The following BRINP3 variants were observed in gnomAD, a reference collection of about 807,000 sequenced individuals.
BRINP3 encodes the protein BMP/retinoic acid inducible neural specific 3.
In BRINP3, 19 loss-of-function variants were observed where a neutral mutation model predicts 71.0. That is an observed-to-expected ratio of 0.27 (90% CI 0.19 to 0.39). The LOEUF is 0.39. Among genes scored for constraint, BRINP3 ranks in the 10% least tolerant of loss-of-function variants. The pLI, the probability that BRINP3 is intolerant of heterozygous loss-of-function variation, is 1.00. For missense variants in BRINP3, 959 were observed against 940.8 expected (o/e 1.02, Z -0.25); for synonymous variants, 380 against 337.7 (o/e 1.13, Z -1.37).
At chr1:190,367,427 T>C (rs1669580616) in intron 2 of BRINP3, among the ~76,000 whole-genome samples, 1 of 152,136 alleles carries the variant, frequency 6.6e-6, no homozygotes, top group African/African-American at 2.4e-5. Flanking sequence ...CATTTTTCCC[T>C]CCTAGGCCTC....
intron 6 of BRINP3, among the ~76,000 whole-genome samples, chr1:190,168,885 T>C (rs1003831396): frequency 6.6e-6 from 1 of 152,208 alleles, no homozygotes; most frequent in Admixed American, 6.5e-5. Context: ...CTCTCTGGCA[T>C]AAATTGTTTT....
In BRINP3 at chr1:190,281,585, A is replaced by G; in HGVS notation, c.402T>C (p.His134=). The G allele has an allele frequency of 6.2e-7, 1 of 1,612,648 alleles. No individual in the cohort carries two copies. The highest frequency in any genetic ancestry group is 1.7e-5 in the Admixed American group (1 of 59,842). ...TENLIKKYGT[H]FLLSATLGGE... ...CTCCCAGAGTAGCAGATAGCAAGAA[A>G]TGTGTCCCATATTTCTTGATAAGGT... Residue 134 remains histidine (H), a synonymous_variant, in exon 3 of 8, where the codon CAT becomes CAC. Coordinates refer to ENST00000367462, the MANE Select transcript of BRINP3 (RefSeq NM_199051.3).
intron 7 of BRINP3, among the ~76,000 whole-genome samples, chr1:190,133,869 G>A (rs1014206794): frequency 1.3e-5 from 2 of 151,948 alleles, no homozygotes; most frequent in African/African-American, 4.8e-5. Context: ...GGCCTAGAAA[G>A]AAAATGGTAA....
chr1:190,399,546 G>A (rs1208488620), intron 2 of BRINP3, among the ~76,000 whole-genome samples: 1 of 151,946 alleles, frequency 6.6e-6, no homozygotes, highest in African/African-American at 2.4e-5. Context: ...GTTAAAATGT[G>A]TATGTAGTAC....
At chr1:190,395,347 C>A (rs1246265228) in intron 2 of BRINP3, among the ~76,000 whole-genome samples, 3 of 151,590 alleles carry the variant, frequency 2.0e-5, no homozygotes, top group Non-Finnish European at 3.0e-5. Context: ...TCCATAAGTA[C>A]AGCTAAAAGA....
At chr1:190,154,161 C>A (rs1180685264) in intron 7 of BRINP3, 4 of 667,740 alleles carry the variant, frequency 6.0e-6, no homozygotes, top group East Asian at 2.7e-4. Flanking sequence ...CCTTAAGAAC[C>A]AATTTAGGAG....
intron 2 of BRINP3, among the ~76,000 whole-genome samples, chr1:190,346,285 A>G (rs935000930): frequency 6.6e-6 from 1 of 152,130 alleles, no homozygotes; most frequent in Admixed American, 6.5e-5. Context: ...ATTTATTTAT[A>G]TGTGAAATAT....
At chr1:190,167,143 T>A (rs1651626810) in intron 6 of BRINP3, among the ~76,000 whole-genome samples, 1 of 152,080 alleles carries the variant, frequency 6.6e-6, no homozygotes, top group South Asian at 2.1e-4. Context: ...GGTTGTGTCA[T>A]CCAAAATCCC....
At chr1:190,467,177 G>A (rs74130771) in intron 1 of BRINP3, among the ~76,000 whole-genome samples, 1 of 151,312 alleles carries the variant, frequency 6.6e-6, no homozygotes, top group Non-Finnish European at 1.5e-5. Context: ...ATCAAAATTG[G>A]ACATGTGTGC....
rs78369563 is a variant in BRINP3, at chr1:190,421,291, CATTATT to C, written c.236+33358_236+33363del. Reference sequence around the variant, plus strand: ...GTGAAGGACATTTGAACAAGATTCTCATTATTATTATTATTATTATTATTATTATTA... The same window carrying C: ...GTGAAGGACATTTGAACAAGATTCTCATTATTATTATTATTATTATTATTA... On this transcript the variant is annotated intron_variant, in intron 2 of 7. Coordinates refer to ENST00000367462, the MANE Select transcript of BRINP3 (RefSeq NM_199051.3). Among the ~76,000 whole-genome samples, 554 of 132,058 alleles carry C rather than the reference CATTATT, an allele frequency of 4.2e-3. 3 individuals carry two copies. Among genetic ancestry groups the C allele is most frequent in the African/African-American group, 0.014 (522 of 37,858 alleles). The allele number at this position is 132,058 out of a possible 152,430, so 86.6% of individuals were successfully genotyped here. A position where few individuals can be genotyped will look rare whatever the true frequency, so the allele number is the denominator to read the frequency against.
intron 2 of BRINP3, among the ~76,000 whole-genome samples, chr1:190,412,490 T>C (rs1320614031): frequency 7.1e-6 from 1 of 139,978 alleles, no homozygotes; most frequent in Non-Finnish European, 1.5e-5. Context: ...TGAGACGGAG[T>C]CTCGCTCTGT....
chr1:190,160,956 T>C (rs974547537), intron 6 of BRINP3, 66 bp from the exon 7 acceptor site: 34 of 1,104,328 alleles, frequency 3.1e-5, no homozygotes, highest in Non-Finnish European at 4.5e-5. Flanking sequence ...CACAAACACG[T>C]ATGTCAATAT....
At chr1:190,364,858 A>G (rs995457247) in intron 2 of BRINP3, among the ~76,000 whole-genome samples, 1 of 152,118 alleles carries the variant, frequency 6.6e-6, no homozygotes, top group Non-Finnish European at 1.5e-5. Flanking sequence ...TTTGAAGGAG[A>G]GAATGGAACA....
Position 190,311,923 on chromosome 1 carries a change from C to T in BRINP3, c.237-30173G>A, listed in dbSNP as rs956459517. Reference sequence around the variant, plus strand: ...GAGTAAATACTCACATACCTAGAGGCATGTTGATCATATTATTAATATAAA... The same window carrying T: ...GAGTAAATACTCACATACCTAGAGGTATGTTGATCATATTATTAATATAAA... On this transcript the variant is annotated intron_variant, in intron 2 of 7. Transcript: ENST00000367462. Among the ~76,000 whole-genome samples the T allele has an allele frequency of 4.0e-5, 6 of 149,496 alleles. No individual in the cohort carries two copies. The Admixed American group carries it at 4.0e-4, about 10-fold the overall frequency.
intron 2 of BRINP3, among the ~76,000 whole-genome samples, chr1:190,366,906 T>C (rs940905580): frequency 2.0e-5 from 3 of 152,224 alleles, no homozygotes; most frequent in East Asian, 3.9e-4. Flanking sequence ...GGCAGCTCCA[T>C]CCCTGTGGCT....
chr1:190,291,954 T>C (rs1041439028), intron 2 of BRINP3, among the ~76,000 whole-genome samples: 4 of 152,170 alleles, frequency 2.6e-5, no homozygotes, highest in African/African-American at 4.8e-5. Context: ...GGAGTACTTA[T>C]CAGCCATAAT....
At chr1:190,140,632 C>T (rs1655356059) in intron 7 of BRINP3, among the ~76,000 whole-genome samples, 1 of 152,018 alleles carries the variant, frequency 6.6e-6, no homozygotes, top group Non-Finnish European at 1.5e-5. Context: ...CAACATCAAA[C>T]AAACTTTAAT....
chr1:190,216,255 C>A (rs1412512983), intron 6 of BRINP3, among the ~76,000 whole-genome samples: 2 of 151,646 alleles, frequency 1.3e-5, no homozygotes, highest in Non-Finnish European at 1.5e-5. Flanking sequence ...AAATTGTGAT[C>A]TTTGTCTAAT....
At chr1:190,248,359 T>G (rs1659806348) in intron 4 of BRINP3, among the ~76,000 whole-genome samples, 1 of 151,666 alleles carries the variant, frequency 6.6e-6, no homozygotes, top group African/African-American at 2.4e-5. Flanking sequence ...AATAATTTTC[T>G]CCCCTTTGCC....
Sources: gnomAD v4.1 joint callset for allele counts (sites outside exome capture counted in the v4.1 genomes callset) on GRCh38, gnomAD v4.1.1 for gene constraint, MANE v1.5 for transcripts, NCBI Gene and HGNC (gene_info 2026-07-23, HGNC 2026-07-21) for gene names.